The following GNAI3 variants were observed in gnomAD, a reference collection of about 807,000 sequenced individuals.
GNAI3 encodes the protein G protein subunit alpha i3.
In GNAI3, 12 loss-of-function variants were observed where a neutral mutation model predicts 41.8. That is an observed-to-expected ratio of 0.29 (90% CI 0.18 to 0.47). The LOEUF is 0.47. GNAI3 is among the 20% of genes least tolerant of loss of function. The probability of loss-of-function intolerance (pLI) is 1.00; values close to 1 mark genes in which losing one functional copy is unlikely to be tolerated. For synonymous variants in GNAI3, 132 were observed against 146.5 expected, an observed-to-expected ratio of 0.90 and a Z score of 0.71; for missense variants, 360 against 429.6, an observed-to-expected ratio of 0.84 and a Z score of 1.43.
chr1:109,590,624 G>A (rs1649148418), intron 7 of GNAI3, among the ~76,000 whole-genome samples: 1 of 150,892 alleles, frequency 6.6e-6, no homozygotes, highest in Non-Finnish European at 1.5e-5. Flanking sequence ...CTCCCAGACA[G>A]AAATGCAGTG....
chr1:109,579,349 A>C lies in GNAI3; in HGVS notation c.449A>C (p.Asp150Ala), dbSNP rs774057080. The C allele has an allele frequency of 3.1e-6, 5 of 1,611,834 alleles. No individual in the cohort carries two copies. Among genetic ancestry groups the C allele is most frequent in the Non-Finnish European group, 4.2e-6 (5 of 1,178,482 alleles). The change falls in exon 4 of 9, where the codon GAT becomes GCT. Residue 150 changes from aspartate to alanine, a missense_variant. By Grantham distance (126) the Asp-to-Ala change is moderately radical (BLOSUM62 -2). Transcript: ENST00000369851. ...FSRSREYQLN[D>A]SASYYLNDLD... The stretch of plus-strand genomic sequence containing the variant: ...AGATCCAGGGAATATCAGCTCAATG[A>C]TTCTGCTTCATAGTAAGTAATTTTT...
rs543501483 is a variant in GNAI3, at chr1:109,588,796, G to T, written c.874+1914G>T. Among the ~76,000 whole-genome samples, 139 of 152,254 alleles carry T rather than the reference G, an allele frequency of 9.1e-4. 1 individual carries two copies. Among genetic ancestry groups the T allele is most frequent in the African/African-American group, 3.0e-3 (125 of 41,548 alleles). On this transcript the variant is annotated intron_variant, in intron 7 of 8. Coordinates refer to ENST00000369851, the MANE Select transcript of GNAI3 (RefSeq NM_006496.4). ...TAATCCCAGCTACTCGGGAGGCTGA[G>T]GCAGGAGAATCGCTTGAACCCGGGA...
chr1:109,552,002 A>C (rs1248470146), intron 1 of GNAI3, among the ~76,000 whole-genome samples: 1 of 151,924 alleles, frequency 6.6e-6, no homozygotes, highest in Admixed American at 6.6e-5. Context: ...TCTCTACTAA[A>C]AGTACAAAAA....
At position 109,575,581 on chromosome 1, in the gene GNAI3, C is replaced by T. The variant is rs376993600; in HGVS notation, c.303+1544C>T. The stretch of plus-strand genomic sequence containing the variant: ...TTTTGGAGACGGACTCTCGCCCTGT[C>T]GCCCAGGCTGGAATGCAATGGCTGG... On this transcript the variant is annotated intron_variant, in intron 3 of 8. Coordinates refer to ENST00000369851, the MANE Select transcript of GNAI3 (RefSeq NM_006496.4). Among the ~76,000 whole-genome samples, 11 of 117,010 alleles carry T rather than the reference C, an allele frequency of 9.4e-5. No individual in the cohort carries two copies. The East Asian group carries it at 1.5e-3, about 15-fold the overall frequency. The allele number at this position is 117,010 out of a possible 152,430, so 76.8% of individuals were successfully genotyped here. A position where few individuals can be genotyped will look rare whatever the true frequency, so the allele number is the denominator to read the frequency against.
chr1:109,564,425 CACTT>C (rs1648397726), intron 1 of GNAI3, among the ~76,000 whole-genome samples: 1 of 152,008 alleles, frequency 6.6e-6, no homozygotes, highest in South Asian at 2.1e-4. Context: ...TCTGTTTTCT[CACTT>C]ACTTGATGTC....
chr1:109,585,875 T>C (rs921506241), intron 5 of GNAI3, among the ~76,000 whole-genome samples: 2 of 152,146 alleles, frequency 1.3e-5, no homozygotes, highest in Non-Finnish European at 2.9e-5. Context: ...TCTCAAACTG[T>C]TTTATTTAGC....
Position 109,579,201 on chromosome 1 carries a change from C to T in GNAI3, c.304-3C>T, listed in dbSNP as rs1175879216. ...CTGTCTCTTTCTTAACTGCTTTCTT[C>T]AGGATGATGCCCGGCAATTATTTGT... On this transcript the variant is annotated splice_region_variant and splice_polypyrimidine_tract_variant and intron_variant, in intron 3 of 8. Coordinates refer to ENST00000369851, the MANE Select transcript of GNAI3 (RefSeq NM_006496.4). 1.2e-6 allele frequency: 2 copies of T among 1,608,578 alleles called. No homozygotes were observed. The highest frequency in any genetic ancestry group is 1.1e-5 in the South Asian group (1 of 90,076).
chr1:109,558,238 C>T (rs1362080530), intron 1 of GNAI3, among the ~76,000 whole-genome samples: 1 of 152,038 alleles, frequency 6.6e-6, no homozygotes, highest in African/African-American at 2.4e-5. Context: ...GCCTGGCCAA[C>T]ATGGTGAAGC....
intron 1 of GNAI3, among the ~76,000 whole-genome samples, chr1:109,565,713 G>A (rs1648432576): frequency 6.6e-6 from 1 of 152,138 alleles, no homozygotes. Flanking sequence ...GCAATTTTGT[G>A]CTTTCAAGGA....
chr1:109,580,909 G>A (rs978563614), intron 4 of GNAI3, among the ~76,000 whole-genome samples: 1 of 152,166 alleles, frequency 6.6e-6, no homozygotes, highest in African/African-American at 2.4e-5. Flanking sequence ...CTTTAGAAAC[G>A]TTTCAGGATT....
At chr1:109,566,874 T>G (rs1311780725) in intron 1 of GNAI3, among the ~76,000 whole-genome samples, 2 of 152,198 alleles carry the variant, frequency 1.3e-5, no homozygotes, top group Non-Finnish European at 2.9e-5. Context: ...GAAATGTCAT[T>G]TATAACCTTA....
intron 5 of GNAI3, among the ~76,000 whole-genome samples, chr1:109,583,938 T>C (rs1456563058): frequency 1.3e-5 from 2 of 152,208 alleles, no homozygotes; most frequent in East Asian, 3.8e-4. Flanking sequence ...GTGTTAATGG[T>C]CTTTTATAAA....
Position 109,579,192 on chromosome 1 carries a change from T to G in GNAI3, c.304-12T>G, listed in dbSNP as rs770095875. ...GAGAGTCATCTGTCTCTTTCTTAAC[T>G]GCTTTCTTCAGGATGATGCCCGGCA... On this transcript the variant is annotated splice_polypyrimidine_tract_variant and intron_variant, in intron 3 of 8. Transcript: ENST00000369851. 34 of 1,602,946 alleles carry G rather than the reference T, an allele frequency of 2.1e-5. No homozygotes were observed. The highest frequency in any genetic ancestry group is 2.9e-5 in the Non-Finnish European group (34 of 1,173,704).
chr1:109,574,121 G>C (rs1648678777), intron 3 of GNAI3, 84 bp downstream of exon 3: 1 of 936,370 alleles, frequency 1.1e-6, no homozygotes, highest in Non-Finnish European at 1.6e-6. Context: ...CATGTTTTAG[G>C]GAAATGAATT....
chr1:109,592,061 AG>A lies in GNAI3; in HGVS notation c.895del (p.Ala299GlnfsTer12). The A allele has an allele frequency of 6.2e-7, 1 of 1,610,128 alleles. No individual in the cohort carries two copies. Among genetic ancestry groups the A allele is most frequent in the Non-Finnish European group, 8.5e-7 (1 of 1,177,130 alleles). On this transcript the variant is annotated frameshift_variant, in exon 8 of 9. Coordinates refer to ENST00000369851, the MANE Select transcript of GNAI3 (RefSeq NM_006496.4). LOFTEE classifies it high-confidence loss of function. ...GTTTTAGGTTCCAATACATATGAAG[AG>A]GCAGCTGCCTATATTCAATGCCAGT... The part of the protein sequence containing the change: ...PEYTGSNTYE[E>X]AAAYIQCQFE...
chr1:109,585,515 T>G (rs1649014244), intron 5 of GNAI3, among the ~76,000 whole-genome samples: 1 of 152,222 alleles, frequency 6.6e-6, no homozygotes, highest in East Asian at 1.9e-4. Context: ...TTATTTGTTT[T>G]TACAATTAAT....
At chr1:109,585,789 A>G (rs914665125) in intron 5 of GNAI3, among the ~76,000 whole-genome samples, 1 of 152,200 alleles carries the variant, frequency 6.6e-6, no homozygotes, top group Non-Finnish European at 1.5e-5. Context: ...TTACAAGGGC[A>G]AAATGAGTTA....
chr1:109,576,074 T>C (rs1426455566), intron 3 of GNAI3, among the ~76,000 whole-genome samples: 2 of 152,188 alleles, frequency 1.3e-5, no homozygotes, highest in African/African-American at 4.8e-5. Flanking sequence ...TATTTTTGTT[T>C]GTTTGTTTTT....
At chr1:109,584,872 T>C (rs1648994978) in intron 5 of GNAI3, among the ~76,000 whole-genome samples, 1 of 152,238 alleles carries the variant, frequency 6.6e-6, no homozygotes, top group African/African-American at 2.4e-5. Context: ...GAGACCTCCA[T>C]GGTGAAATAT....
Sources: allele counts gnomAD v4.1 joint callset (sites outside exome capture counted in the v4.1 genomes callset), GRCh38; gene constraint gnomAD v4.1.1; transcripts MANE v1.5; gene names NCBI Gene and HGNC (gene_info 2026-07-23, HGNC 2026-07-21).